The following SHQ1 variants were observed in gnomAD, a reference collection of about 807,000 sequenced individuals.
SHQ1 encodes SHQ1, H/ACA ribonucleoprotein assembly factor.
In SHQ1, 49 loss-of-function variants were observed where a neutral mutation model predicts 53.8. The ratio of observed to expected loss-of-function variants is 0.91; its 90% CI spans 0.72 to 1.16. SHQ1 has a LOEUF of 1.16. SHQ1 is among the 50% of genes most tolerant of loss of function. SHQ1 has a pLI of 0.00. For synonymous variants in SHQ1, 243 were observed against 251.0 expected, an observed-to-expected ratio of 0.97 and a Z score of 0.30; for missense variants, 738 against 683.1, an observed-to-expected ratio of 1.08 and a Z score of -0.90.
intron 5 of SHQ1, among the ~76,000 whole-genome samples, chr3:72,826,346 A>G (rs1707655923): frequency 6.6e-6 from 1 of 152,226 alleles, no homozygotes; most frequent in Admixed American, 6.5e-5. Context: ...TTTGAATTGA[A>G]GTTCTACTAT....
intron 5 of SHQ1, among the ~76,000 whole-genome samples, chr3:72,827,297 C>T (rs1420696100): frequency 6.6e-6 from 1 of 151,974 alleles, no homozygotes; most frequent in African/African-American, 2.4e-5. Flanking sequence ...ACATACAAGT[C>T]TGATGCTCAA....
chr3:72,773,326 G>GA, intron 10 of SHQ1: 1 of 589,294 alleles, frequency 1.7e-6, no homozygotes, highest in Admixed American at 2.2e-5. Flanking sequence ...AGACAAGAAG[G>GA]AAAAAAATGA....
intron 10 of SHQ1, among the ~76,000 whole-genome samples, chr3:72,752,050 A>C (rs1471486576): frequency 6.6e-6 from 1 of 152,200 alleles, no homozygotes; most frequent in Non-Finnish European, 1.5e-5. Context: ...TTAATACCTA[A>C]AAATGGGAAA....
Position 72,848,364 on chromosome 3 carries a change from G to T in SHQ1, c.-24C>A, listed in dbSNP as rs148977678. The T allele has an allele frequency of 3.0e-3, 4,846 of 1,611,862 alleles. 94 individuals carry two copies. In the African/African-American group the frequency reaches 0.053, roughly 18 times the overall value. On this transcript the variant is annotated 5_prime_UTR_variant, in exon 1 of 11. Coordinates refer to ENST00000325599, the MANE Select transcript of SHQ1 (RefSeq NM_018130.3). ...ATCGCCGCACCGGACGCAAGGGCCG[G>T]CGCCGCTCGCTCTCACTGCCGCCGC... is the stretch of plus-strand genomic sequence containing the variant.
At chr3:72,795,685 G>GT (rs913224616) in intron 9 of SHQ1, 66 of 152,172 alleles carry the variant, frequency 4.3e-4, no homozygotes, top group African/African-American at 1.5e-3. Context: ...AATGTCAATC[G>GT]TAAGTCTTTA....
At chr3:72,805,507 G>C (rs1208172586) in intron 9 of SHQ1, among the ~76,000 whole-genome samples, 1 of 151,968 alleles carries the variant, frequency 6.6e-6, no homozygotes, top group East Asian at 1.9e-4. Flanking sequence ...TCTCAAAACT[G>C]ACTTTAAATT....
chr3:72,804,093 C>T (rs1206424597), intron 9 of SHQ1, among the ~76,000 whole-genome samples: 1 of 151,710 alleles, frequency 6.6e-6, no homozygotes, highest in Non-Finnish European at 1.5e-5. Context: ...ATTTAAAAAA[C>T]ATTTTTTTTT....
intron 10 of SHQ1, 113 bp downstream of exon 10, chr3:72,792,803 A>AAC: frequency 1.3e-6 from 1 of 762,518 alleles, no homozygotes; most frequent in Non-Finnish European, 2.0e-6. Flanking sequence ...AAAAAAAAAA[A>AAC]AAAAAAAACA....
intron 10 of SHQ1, among the ~76,000 whole-genome samples, chr3:72,778,342 G>A (rs1188164287): frequency 2.6e-5 from 4 of 151,962 alleles, no homozygotes; most frequent in South Asian, 2.1e-4. Context: ...CTAACTACTC[G>A]GGAGGATGAG....
intron 10 of SHQ1, among the ~76,000 whole-genome samples, chr3:72,765,557 A>ATATATATATATATATTTT (rs1491527508): frequency 5.2e-5 from 3 of 57,186 alleles, no homozygotes; most frequent in African/African-American, 2.4e-4. Flanking sequence ...ATATATATAT[A>ATATATATATATATATTTT]TTTTTTTTTT....
chr3:72,745,204 C>T (rs1430842491), downstream of SHQ1, among the ~76,000 whole-genome samples: 1 of 151,966 alleles, frequency 6.6e-6, no homozygotes, highest in African/African-American at 2.4e-5. Flanking sequence ...TCTACTCCTC[C>T]CAATTCTTGG....
intron 4 of SHQ1, among the ~76,000 whole-genome samples, chr3:72,834,607 C>A (rs540364396): frequency 1.3e-5 from 2 of 152,306 alleles, no homozygotes; most frequent in East Asian, 3.9e-4. Flanking sequence ...GGGCAAAAAC[C>A]AGATTACTGG....
the SHQ1 span, among the ~76,000 whole-genome samples, chr3:72,737,115 A>T: frequency 4.0e-5 from 6 of 151,768 alleles, no homozygotes; most frequent in Non-Finnish European, 4.4e-5. Context: ...ACTAAAAATA[A>T]AAAAATAAAA....
intron 4 of SHQ1, 138 bp from the exon 5 acceptor site, chr3:72,832,619 T>G (rs372391477): frequency 1.6e-6 from 1 of 611,842 alleles, no homozygotes. Flanking sequence ...GACATTTAGA[T>G]TCAAATCCAA....
At chr3:72,783,374 T>C (rs1001905594) in intron 10 of SHQ1, among the ~76,000 whole-genome samples, 5 of 151,104 alleles carry the variant, frequency 3.3e-5, no homozygotes, top group Admixed American at 1.3e-4. Flanking sequence ...TTTTTTTTTT[T>C]TTTTTTTTGA....
intron 8 of SHQ1, among the ~76,000 whole-genome samples, chr3:72,813,907 TG>T (rs1465197047): frequency 1.3e-5 from 2 of 148,450 alleles, no homozygotes; most frequent in Non-Finnish European, 3.0e-5. Flanking sequence ...CTTATCAAAC[TG>T]ATTTCTAGGA....
In SHQ1 at chr3:72,773,221, T is replaced by C. The variant is rs144566563; in HGVS notation, c.1181+19695A>G. The C allele has an allele frequency of 1.5e-3, 1,055 of 710,154 alleles. 7 individuals carry two copies. The African/African-American group carries it at 0.015, about 10-fold the overall frequency. 44.0% of individuals were successfully genotyped at this position (710,154 alleles called of 1,614,324 possible). On this transcript the variant is annotated intron_variant, in intron 10 of 10. Transcript: ENST00000325599. ...AAGTAGAACACTACAGAGATAAACA[T>C]CTTCAACGAGAGAAAGAGTTAGAAG... is the stretch of plus-strand genomic sequence containing the variant.
chr3:72,745,074 T>A (rs1705235553), downstream of SHQ1, among the ~76,000 whole-genome samples: 2 of 152,168 alleles, frequency 1.3e-5, no homozygotes. Context: ...ATTGACTATA[T>A]AAGTCAATTT....
At chr3:72,823,165 A>G (rs1406577407) in intron 6 of SHQ1, among the ~76,000 whole-genome samples, 1 of 151,876 alleles carries the variant, frequency 6.6e-6, no homozygotes, top group Admixed American at 6.6e-5. Context: ...AAAAAAAAAA[A>G]AAGAGTCACT....
Sources: gnomAD v4.1 joint callset for allele counts (sites outside exome capture counted in the v4.1 genomes callset) on GRCh38, gnomAD v4.1.1 for gene constraint, MANE v1.5 for transcripts, NCBI Gene and HGNC (gene_info 2026-07-23, HGNC 2026-07-21) for gene names.